The following CTIF variants were observed in gnomAD, a reference collection of about 807,000 sequenced individuals.
CTIF encodes CBP80/20-dependent translation initiation factor.
Under a neutral mutation model 66.0 loss-of-function variants are expected in CTIF, and 21 were observed. The observed-to-expected ratio is 0.32, with a 90% confidence interval of 0.23 to 0.46. The LOEUF is 0.46. Among genes scored for constraint, CTIF ranks in the 20% least tolerant of loss-of-function variants. The pLI is 1.00. For synonymous variants in CTIF, 345 were observed against 326.4 expected, an observed-to-expected ratio of 1.06 and a Z score of -0.62; for missense variants, 739 against 812.7, an observed-to-expected ratio of 0.91 and a Z score of 1.10.
intron 2 of CTIF, among the ~76,000 whole-genome samples, chr18:48,625,439 A>G (rs1255590764): frequency 2.6e-5 from 4 of 152,208 alleles, no homozygotes; most frequent in Non-Finnish European, 5.9e-5. Flanking sequence ...ATACATTATC[A>G]TGGTACATAA....
intron 2 of CTIF, among the ~76,000 whole-genome samples, chr18:48,621,863 G>A (rs1032587548): frequency 2.6e-5 from 4 of 152,322 alleles, no homozygotes; most frequent in East Asian, 3.9e-4. Context: ...GCATTGACCT[G>A]TGTGTTCAAT....
At chr18:48,665,162 C>T (rs964452005) in intron 5 of CTIF, among the ~76,000 whole-genome samples, 1 of 152,016 alleles carries the variant, frequency 6.6e-6, no homozygotes, top group Non-Finnish European at 1.5e-5. Context: ...GATCCACCCG[C>T]CTCGGCCTCC....
chr18:48,726,423 C>T (rs1023590698), intron 7 of CTIF, among the ~76,000 whole-genome samples: 1 of 152,132 alleles, frequency 6.6e-6, no homozygotes, highest in African/African-American at 2.4e-5. Flanking sequence ...TGTCCTAGCT[C>T]AAAGTCACCC....
chr18:48,546,821 G>A lies in CTIF; in HGVS notation c.-29+7509G>A, dbSNP rs149208083. On this transcript the variant is annotated intron_variant, in intron 1 of 11. Transcript: ENST00000256413. ...CCGTCCGCATGGGGGATGGAAAGTG[G>A]GTGTGCTGCTTTTTGTCTTGACCTG... is the stretch of plus-strand genomic sequence containing the variant. Among the ~76,000 whole-genome samples the A allele has an allele frequency of 1.2e-3, 177 of 152,286 alleles. 2 individuals are homozygous for A. The highest frequency in any genetic ancestry group is 0.011 in the East Asian group (55 of 5,180).
At chr18:48,612,472 G>A (rs984048067) in intron 1 of CTIF, among the ~76,000 whole-genome samples, 8 of 152,220 alleles carry the variant, frequency 5.3e-5, no homozygotes, top group Admixed American at 3.9e-4. Context: ...GGGATGGAGG[G>A]GACCAGGGCC....
chr18:48,577,163 G>A (rs1382778646), intron 1 of CTIF, among the ~76,000 whole-genome samples: 1 of 152,248 alleles, frequency 6.6e-6, no homozygotes, highest in East Asian at 1.9e-4. Flanking sequence ...TCCACCTGAG[G>A]CGGGGAGTTT....
intron 5 of CTIF, among the ~76,000 whole-genome samples, chr18:48,667,082 G>GACAC (rs4044188): frequency 0.13 from 18,470 of 142,158 alleles, 1,245 homozygotes; most frequent in African/African-American, 0.18. Flanking sequence ...CAGGAAAGTA[G>GACAC]ACACACACAC....
intron 6 of CTIF, among the ~76,000 whole-genome samples, chr18:48,704,344 G>A (rs2092123488): frequency 6.6e-6 from 1 of 152,138 alleles, no homozygotes; most frequent in South Asian, 2.1e-4. Flanking sequence ...GGAATTACCT[G>A]GTGAGCATTC....
chr18:48,656,132 C>G (rs886995043), intron 3 of CTIF, among the ~76,000 whole-genome samples: 5 of 152,256 alleles, frequency 3.3e-5, no homozygotes, highest in African/African-American at 1.2e-4. Context: ...TCCACCAGCA[C>G]TGCCTTCCCA....
At chr18:48,743,445 C>G (rs887297661) in intron 7 of CTIF, among the ~76,000 whole-genome samples, 8 of 152,220 alleles carry the variant, frequency 5.3e-5, no homozygotes, top group Admixed American at 3.9e-4. Context: ...GCCATGAAAT[C>G]AGTTTTTGCT....
At chr18:48,803,089 C>A (rs903303491) in intron 9 of CTIF, among the ~76,000 whole-genome samples, 1 of 152,258 alleles carries the variant, frequency 6.6e-6, no homozygotes, top group Non-Finnish European at 1.5e-5. Flanking sequence ...GCCATCCCCC[C>A]GCCTCCCTGT....
At chr18:48,555,312 G>A (rs1399631736) in intron 1 of CTIF, among the ~76,000 whole-genome samples, 4 of 152,166 alleles carry the variant, frequency 2.6e-5, no homozygotes, top group Non-Finnish European at 5.9e-5. Context: ...GCAAAGATCT[G>A]TTTCCCCAGC....
intron 7 of CTIF, among the ~76,000 whole-genome samples, chr18:48,744,209 C>T (rs1187073180): frequency 6.6e-6 from 1 of 152,208 alleles, no homozygotes; most frequent in Non-Finnish European, 1.5e-5. Context: ...CTGTGTTCAA[C>T]CCTGGTAGCG....
chr18:48,641,559 C>T (rs16949708), intron 3 of CTIF, among the ~76,000 whole-genome samples: 6,298 of 152,318 alleles, frequency 0.041, 171 homozygotes, highest in South Asian at 0.12. Flanking sequence ...GTGAAGGGCA[C>T]TCTCTTGTTT....
intron 7 of CTIF, among the ~76,000 whole-genome samples, chr18:48,714,371 C>T (rs2092259411): frequency 6.6e-6 from 1 of 152,206 alleles, no homozygotes; most frequent in South Asian, 2.1e-4. Context: ...TGTGCCATGC[C>T]TCTGATCTCC....
At chr18:48,713,309 T>G (rs1167132127) in intron 7 of CTIF, among the ~76,000 whole-genome samples, 3 of 151,950 alleles carry the variant, frequency 2.0e-5, no homozygotes, top group Admixed American at 6.6e-5. Flanking sequence ...AGCTTCCTGA[T>G]GAGAAGTCAC....
intron 9 of CTIF, among the ~76,000 whole-genome samples, chr18:48,780,155 G>GA (rs1317306116): frequency 6.6e-6 from 1 of 151,682 alleles, no homozygotes; most frequent in African/African-American, 2.4e-5. Context: ...AGCCTGCAAA[G>GA]AAAAAAAGGG....
At chr18:48,633,840 G>T (rs1030310876) in intron 2 of CTIF, among the ~76,000 whole-genome samples, 2 of 152,100 alleles carry the variant, frequency 1.3e-5, no homozygotes, top group Non-Finnish European at 2.9e-5. Context: ...TTATAGCCAA[G>T]GTGCAGAATG....
chr18:48,723,606 C>T (rs986636561), intron 7 of CTIF, among the ~76,000 whole-genome samples: 1 of 152,200 alleles, frequency 6.6e-6, no homozygotes, highest in Non-Finnish European at 1.5e-5. Context: ...GGTGGGGAGG[C>T]AGCCCGGCCA....
Sources: gnomAD v4.1 joint callset for allele counts (sites outside exome capture counted in the v4.1 genomes callset) on GRCh38, gnomAD v4.1.1 for gene constraint, MANE v1.5 for transcripts, NCBI Gene and HGNC (gene_info 2026-07-23, HGNC 2026-07-21) for gene names.